Variants in HOTAIR observed in about 807,000 individuals in gnomAD.
HOTAIR encodes HOX transcript antisense RNA.
At chr12:53,966,219 C>A (rs2136371256) in intron 4 of HOTAIR, 1 of 152,150 alleles carries the variant, frequency 6.6e-6, no homozygotes, top group African/African-American at 2.4e-5. Context: ...TCCCTCCCTC[C>A]TTCCTCCCCC....
chr12:53,965,771 C>T (rs1939040630), intron 5 of HOTAIR, among the ~76,000 whole-genome samples: 1 of 151,666 alleles, frequency 6.6e-6, no homozygotes, highest in Non-Finnish European at 1.5e-5. Flanking sequence ...AAGGAAAAGA[C>T]AGAAAAAAGA....
chr12:53,968,520 C>T (rs550450714), intron 2 of HOTAIR: 4 of 152,376 alleles, frequency 2.6e-5, no homozygotes, highest in Admixed American at 6.5e-5. Context: ...CCACTGAGCC[C>T]GCCGAAAGGA....
At chr12:53,965,075 A>G (rs1481356061) in intron 5 of HOTAIR, among the ~76,000 whole-genome samples, 1 of 152,250 alleles carries the variant, frequency 6.6e-6, no homozygotes, top group Admixed American at 6.5e-5. Flanking sequence ...GCAATAGACA[A>G]GGTGGAGAGG....
In HOTAIR at chr12:53,973,368, G is replaced by A; in HGVS notation, n.59+1530C>T. 6.2e-7 allele frequency: 1 copy of A among 1,614,110 alleles called. No homozygotes were observed. The highest frequency in any genetic ancestry group is 8.5e-7 in the Non-Finnish European group (1 of 1,180,026). On this transcript the variant is annotated intron_variant and non_coding_transcript_variant, in intron 1 of 6. Transcript: ENST00000424518. This position sits in a 1 kb window ranked among gnomAD's most constrained non-coding sequence, Gnocchi z 4.3. ...GCCCAGTTGCACTTACTACATGCCC[G>A]AGTTCTCCACGGTCTCCTCCTTCCT... is the stretch of plus-strand genomic sequence containing the variant.
chr12:53,968,353 C>G (rs1041213978), intron 2 of HOTAIR: 1 of 152,212 alleles, frequency 6.6e-6, no homozygotes, highest in Non-Finnish European at 1.5e-5. Flanking sequence ...AGCCCCATGT[C>G]TCCTGAGCCT....
intron 1 of HOTAIR, among the ~76,000 whole-genome samples, chr12:53,971,266 A>G (rs1361571304): frequency 6.6e-6 from 1 of 152,222 alleles, no homozygotes; most frequent in Non-Finnish European, 1.5e-5. Context: ...AGATCTGACC[A>G]GAACTAAAGG....
chr12:53,973,199 C>G lies in HOTAIR; in HGVS notation n.59+1699G>C, dbSNP rs1035995876. 1 of 1,493,980 alleles carries G rather than the reference C, an allele frequency of 6.7e-7. No individual in the cohort carries two copies. Among genetic ancestry groups the G allele is most frequent in the Non-Finnish European group, 8.9e-7 (1 of 1,119,102 alleles). The allele number at this position is 1,493,980 out of a possible 1,614,324, so 92.5% of individuals were successfully genotyped here. On this transcript the variant is annotated intron_variant and non_coding_transcript_variant, in intron 1 of 6. Transcript: ENST00000424518. The surrounding 1 kb of genome is among the most constrained non-coding windows in gnomAD (Gnocchi z 4.3). Reference sequence around the variant, plus strand: ...CCCAAATTTTCCCCCCTCGCTAGACCGGGTCCAAAACCTCCATCCGGAGCC... The same window carrying G: ...CCCAAATTTTCCCCCCTCGCTAGACGGGGTCCAAAACCTCCATCCGGAGCC...
chr12:53,972,966 G>A (rs1402926214), intron 1 of HOTAIR, among the ~76,000 whole-genome samples: 4 of 148,626 alleles, frequency 2.7e-5, no homozygotes, highest in Non-Finnish European at 3.0e-5. Flanking sequence ...GGGGAGTGAC[G>A]AGAGAAAAAC....
Position 53,965,558 on chromosome 12 carries a change from G to GTGT in HOTAIR, n.551+403_551+405dup, listed in dbSNP as rs776268492. Among the ~76,000 whole-genome samples, 4 of 152,232 alleles carry GTGT rather than the reference G, an allele frequency of 2.6e-5. No individual in the cohort carries two copies. In the South Asian group the frequency reaches 8.3e-4, roughly 31 times the overall value. On this transcript the variant is annotated intron_variant and non_coding_transcript_variant, in intron 5 of 6. Transcript: ENST00000424518. The stretch of plus-strand genomic sequence containing the variant: ...GATGCAGGAAGGACTGAAAATATTT[G>GTGT]TGTTGTTGTTGTTTCCGGGATTTGA...
chr12:53,973,908 A>G lies in HOTAIR; in HGVS notation n.59+990T>C. The G allele has an allele frequency of 6.9e-7, 1 of 1,442,438 alleles. No individual in the cohort carries two copies. Among genetic ancestry groups the G allele is most frequent in the Non-Finnish European group, 9.1e-7 (1 of 1,095,880 alleles). The allele number at this position is 1,442,438 out of a possible 1,614,324, so 89.4% of individuals were successfully genotyped here. A position where few individuals can be genotyped will look rare whatever the true frequency, so the allele number is the denominator to read the frequency against. ...CCACTCCGTGGCCAAGGAGCCGGCCAAAGGAGCCGCCCCCAGTAGGTAGCA... is the reference window on the plus strand; with the variant it reads ...CCACTCCGTGGCCAAGGAGCCGGCCGAAGGAGCCGCCCCCAGTAGGTAGCA... On this transcript the variant is annotated intron_variant and non_coding_transcript_variant, in intron 1 of 6. Coordinates refer to ENST00000424518, the Ensembl canonical transcript of HOTAIR. The surrounding 1 kb of genome is among the most constrained non-coding windows in gnomAD (Gnocchi z 4.3).
chr12:53,973,602 T>G lies in HOTAIR; in HGVS notation n.59+1296A>C, dbSNP rs770230057. On this transcript the variant is annotated intron_variant and non_coding_transcript_variant, in intron 1 of 6. Transcript: ENST00000424518. The surrounding 1 kb of genome is among the most constrained non-coding windows in gnomAD (Gnocchi z 4.3). ...GATCCTCATGAAAAACGAAGGCTCC[T>G]ACGGCGGCCACCACCACCCCAGCGC... 39 of 1,613,122 alleles carry G rather than the reference T, an allele frequency of 2.4e-5. No homozygotes were observed. Among genetic ancestry groups the G allele is most frequent in the Non-Finnish European group, 3.1e-5 (36 of 1,179,918 alleles).
exon 7 of HOTAIR, chr12:53,963,768 C>G (rs7958904): frequency 0.53 from 80,687 of 152,126 alleles, 24,279 homozygotes; most frequent in East Asian, 0.72. Flanking sequence ...GTGGCTGACC[C>G]GAGCCGGGTG....
At chr12:53,969,950 T>C (rs1291702918) in intron 1 of HOTAIR, among the ~76,000 whole-genome samples, 1 of 152,214 alleles carries the variant, frequency 6.6e-6, no homozygotes, top group Non-Finnish European at 1.5e-5. Flanking sequence ...GTGCGGGAGT[T>C]TGCTCTGGGA....
chr12:53,972,746 A>T (rs1006120679), intron 1 of HOTAIR, among the ~76,000 whole-genome samples: 7 of 151,478 alleles, frequency 4.6e-5, no homozygotes, highest in Non-Finnish European at 8.8e-5. Context: ...AGAAGTCCTC[A>T]CTCCCACCCT....
exon 4 of HOTAIR, chr12:53,966,285 C>G (rs964177234): frequency 2.0e-5 from 3 of 152,168 alleles, no homozygotes. Context: ...CCTCTCGCCG[C>G]CGTCTGTAAC....
intron 5 of HOTAIR, among the ~76,000 whole-genome samples, chr12:53,964,806 C>T (rs1939021511): frequency 6.6e-6 from 1 of 152,074 alleles, no homozygotes; most frequent in South Asian, 2.1e-4. Context: ...TCAAGGAGGC[C>T]CTAGGCAGGA....
rs189015240 is a variant in HOTAIR, at chr12:53,966,935, C to T, written n.325+334G>A. Among the ~76,000 whole-genome samples the T allele has an allele frequency of 1.8e-3, 267 of 152,272 alleles. 2 individuals are homozygous for T. Among genetic ancestry groups the T allele is most frequent in the Middle Eastern group, 0.01 (3 of 294 alleles). On this transcript the variant is annotated intron_variant and non_coding_transcript_variant, in intron 3 of 6. Transcript: ENST00000424518. ...GGGAGGAAGGATCCCGAACTGAGAT[C>T]CTTGATCCTTTTCCTCCAGGGTAGC...
At chr12:53,968,773 A>G (rs566541805) in intron 1 of HOTAIR, 1 of 152,194 alleles carries the variant, frequency 6.6e-6, no homozygotes, top group Admixed American at 6.6e-5. Context: ...CAGATCCCAA[A>G]CAAATGATTC....
chr12:53,973,676 C>A lies in HOTAIR; in HGVS notation n.59+1222G>T. On this transcript the variant is annotated intron_variant and non_coding_transcript_variant, in intron 1 of 6. Coordinates refer to ENST00000424518, the Ensembl canonical transcript of HOTAIR. This position sits in a 1 kb window ranked among gnomAD's most constrained non-coding sequence, Gnocchi z 4.3. ...TCTACTCCTCAGTCAACAAGAACAG[C>A]GTCCTGCCTCAAGCCTTCGACCGTT... is the stretch of plus-strand genomic sequence containing the variant. 6.2e-7 allele frequency: 1 copy of A among 1,613,746 alleles called. No homozygotes were observed. The highest frequency in any genetic ancestry group is 1.1e-5 in the South Asian group (1 of 91,090).
Sources: gnomAD v4.1 joint callset for allele counts (sites outside exome capture counted in the v4.1 genomes callset) on GRCh38, gnomAD v4.1.1 for gene constraint, Gnocchi (gnomAD v3.1) non-coding constraint, MANE v1.5 for transcripts, NCBI Gene and HGNC (gene_info 2026-07-23, HGNC 2026-07-21) for gene names.